TRAF3: variants seen among roughly 807,000 people sequenced by gnomAD.
TRAF3 encodes the protein TNF receptor associated factor 3.
A neutral mutation model predicts 62.3 loss-of-function variants in TRAF3; 13 were observed. The observed-to-expected ratio is 0.21, with a 90% CI of 0.14 to 0.33. The LOEUF (loss-of-function observed/expected upper bound fraction) is 0.33, where lower values mean the gene tolerates loss of function less well. Ranked by LOEUF, TRAF3 falls within the 10% of genes least tolerant of loss-of-function variation. TRAF3 has a pLI of 1.00. For synonymous variants in TRAF3, 269 were observed against 283.4 expected, an observed-to-expected ratio of 0.95 and a Z score of 0.51; for missense variants, 440 against 741.8, an observed-to-expected ratio of 0.59 and a Z score of 4.73.
At chr14:102,835,396 G>T (rs1370291826) in intron 2 of TRAF3, among the ~76,000 whole-genome samples, 3 of 152,090 alleles carry the variant, frequency 2.0e-5, no homozygotes, top group African/African-American at 7.2e-5. Context: ...CCCATTACTG[G>T]TTATATATAC....
chr14:102,852,843 A>C (rs1191035210), intron 2 of TRAF3, among the ~76,000 whole-genome samples: 3 of 152,010 alleles, frequency 2.0e-5, no homozygotes, highest in African/African-American at 7.3e-5. Flanking sequence ...TAGGACTCAC[A>C]GGCATGTGTC....
intron 2 of TRAF3, chr14:102,866,064 G>A (rs182614807): frequency 2.0e-5 from 3 of 152,354 alleles, no homozygotes; most frequent in African/African-American, 4.8e-5. Flanking sequence ...TAAAGAAAAT[G>A]TGGCACATAT....
In TRAF3 at chr14:102,903,008, T is replaced by C; in HGVS notation, c.961-247T>C. 3.5e-6 allele frequency: 2 copies of C among 566,314 alleles called. No homozygotes were observed. The highest frequency in any genetic ancestry group is 6.4e-6 in the Non-Finnish European group (2 of 314,196). The allele number at this position is 566,314 out of a possible 1,614,324, so 35.1% of individuals were successfully genotyped here. A position where few individuals can be genotyped will look rare whatever the true frequency, so the allele number is the denominator to read the frequency against. On this transcript the variant is annotated intron_variant, in intron 10 of 11. Transcript: ENST00000392745. This position sits in a 1 kb window ranked among gnomAD's most constrained non-coding sequence, Gnocchi z 6.4. ...AGCAAGCTGACTTAGTGGAGCCTCC[T>C]GTTGTTTTCTTCCATGTGGCTTCAT...
intron 1 of TRAF3, among the ~76,000 whole-genome samples, chr14:102,802,893 C>T (rs1328860308): frequency 6.6e-6 from 1 of 152,148 alleles, no homozygotes; most frequent in African/African-American, 2.4e-5. Flanking sequence ...AATTGACTCA[C>T]AGTTCAGCAT....
chr14:102,880,679 T>C (rs562322986), intron 6 of TRAF3, among the ~76,000 whole-genome samples: 1 of 152,326 alleles, frequency 6.6e-6, no homozygotes, highest in East Asian at 1.9e-4. Context: ...TGAAGCAGTA[T>C]TGACAATAGC....
chr14:102,836,347 C>T (rs1886003942), intron 2 of TRAF3, among the ~76,000 whole-genome samples: 2 of 152,122 alleles, frequency 1.3e-5, no homozygotes, highest in South Asian at 2.1e-4. Context: ...ATTAATGTAG[C>T]CATTTTATTT....
At chr14:102,838,729 A>T (rs1886179855) in intron 2 of TRAF3, among the ~76,000 whole-genome samples, 1 of 152,198 alleles carries the variant, frequency 6.6e-6, no homozygotes, top group Admixed American at 6.5e-5. Context: ...ATGCTGAGCC[A>T]GCAGGGCAGG....
chr14:102,899,453 C>T, intron 10 of TRAF3, among the ~76,000 whole-genome samples: 1 of 152,196 alleles, frequency 6.6e-6, no homozygotes. Flanking sequence ...TAAAATCTTA[C>T]TGTGGCCCAG....
chr14:102,807,193 C>T (rs940601387), intron 1 of TRAF3, among the ~76,000 whole-genome samples: 7 of 152,212 alleles, frequency 4.6e-5, no homozygotes, highest in Non-Finnish European at 8.8e-5. Context: ...CCTTTACGGC[C>T]TCTGACTGCA....
chr14:102,838,907 C>T (rs531191351), intron 2 of TRAF3, among the ~76,000 whole-genome samples: 12 of 152,266 alleles, frequency 7.9e-5, no homozygotes, highest in African/African-American at 2.6e-4. Context: ...AATCTTCATT[C>T]CCCCACTAAA....
At chr14:102,868,333 G>T (rs1446103705) in intron 2 of TRAF3, among the ~76,000 whole-genome samples, 1 of 152,156 alleles carries the variant, frequency 6.6e-6, no homozygotes, top group East Asian at 1.9e-4. Context: ...AGGCAGCGGT[G>T]TTCCCTGAGG....
chr14:102,792,432 A>ATTTT (rs35496572), intron 1 of TRAF3, among the ~76,000 whole-genome samples: 3 of 122,740 alleles, frequency 2.4e-5, no homozygotes, highest in Non-Finnish European at 3.4e-5. Flanking sequence ...CAGTTAATTG[A>ATTTT]TTTTTTTTTT....
chr14:102,812,106 A>G (rs868726810), intron 1 of TRAF3, among the ~76,000 whole-genome samples: 20 of 151,618 alleles, frequency 1.3e-4, no homozygotes, highest in Admixed American at 5.3e-4. Flanking sequence ...CGACAGTGCT[A>G]TAGAACACTA....
In TRAF3 at chr14:102,875,623, G is replaced by A; in HGVS notation, c.298-1G>A. On this transcript the variant is annotated splice_acceptor_variant, in intron 4 of 11. Transcript: ENST00000392745. LOFTEE classifies it high-confidence loss of function. ...CCAAAATAATGATCTTTCATTTTCA[G>A]GTGTTTAAGGATAATTGCTGCAAGA... 1 of 1,611,356 alleles carries A rather than the reference G, an allele frequency of 6.2e-7. No homozygotes were observed. Among genetic ancestry groups the A allele is most frequent in the Non-Finnish European group, 8.5e-7 (1 of 1,177,898 alleles).
chr14:102,857,496 G>A (rs1261436694), intron 2 of TRAF3, among the ~76,000 whole-genome samples: 1 of 152,194 alleles, frequency 6.6e-6, no homozygotes, highest in Non-Finnish European at 1.5e-5. Flanking sequence ...TTCCATAAAA[G>A]GAAGCTTAGA....
intron 2 of TRAF3, among the ~76,000 whole-genome samples, chr14:102,851,476 G>A (rs891979791): frequency 1.3e-5 from 2 of 152,212 alleles, no homozygotes; most frequent in Non-Finnish European, 2.9e-5. Context: ...CGGGCGCAGT[G>A]GCTCAGGCCT....
chr14:102,879,733 G>T (rs1259188632), intron 6 of TRAF3, among the ~76,000 whole-genome samples: 1 of 150,768 alleles, frequency 6.6e-6, no homozygotes, highest in Non-Finnish European at 1.5e-5. Context: ...CTCTGAATTT[G>T]CCTTGCTTTC....
intron 1 of TRAF3, among the ~76,000 whole-genome samples, chr14:102,802,154 ATTT>A (rs1202677524): frequency 7.4e-5 from 6 of 81,056 alleles, no homozygotes; most frequent in Non-Finnish European, 1.5e-4. Context: ...ACCTGGACTC[ATTT>A]TTTTTTTTTT....
At chr14:102,844,200 A>G (rs1163725886) in intron 2 of TRAF3, among the ~76,000 whole-genome samples, 1 of 152,206 alleles carries the variant, frequency 6.6e-6, no homozygotes, top group African/African-American at 2.4e-5. Context: ...CAAGATTAAA[A>G]CCTGTTTCTG....
Sources: allele counts gnomAD v4.1 joint callset (sites outside exome capture counted in the v4.1 genomes callset), GRCh38; gene constraint gnomAD v4.1.1; non-coding constraint Gnocchi (gnomAD v3.1); transcripts MANE v1.5; gene names NCBI Gene and HGNC (gene_info 2026-07-23, HGNC 2026-07-21).